LINGO1: variants seen among roughly 807,000 people sequenced by gnomAD.
LINGO1 encodes leucine rich repeat and Ig domain containing 1.
Under a neutral mutation model 37.3 loss-of-function variants are expected in LINGO1, and 11 were observed. The observed-to-expected ratio is 0.29, with a 90% CI of 0.19 to 0.49. The LOEUF (loss-of-function observed/expected upper bound fraction) is 0.49. LINGO1 is among the 20% of genes least tolerant of loss of function. LINGO1 has a pLI of 0.99. For missense variants in LINGO1, 585 were observed against 878.2 expected, an observed-to-expected ratio of 0.67 and a Z score of 4.22; for synonymous variants, 387 against 403.0, an observed-to-expected ratio of 0.96 and a Z score of 0.48.
chr15:77,613,879 G>T lies in LINGO1; in HGVS notation c.*165C>A. Reference sequence around the variant, plus strand: ...TGAGGTCCTGGTAGAAGGAGGGCAGGTGGTGAGGGCTGGCGGGGGGCAGCA... The same window carrying T: ...TGAGGTCCTGGTAGAAGGAGGGCAGTTGGTGAGGGCTGGCGGGGGGCAGCA... On this transcript the variant is annotated 3_prime_UTR_variant, in exon 2 of 2. Coordinates refer to ENST00000355300, the MANE Select transcript of LINGO1 (RefSeq NM_032808.7). 1.6e-6 allele frequency: 1 copy of T among 643,508 alleles called. No individual in the cohort carries two copies. Among genetic ancestry groups the T allele is most frequent in the Non-Finnish European group, 2.7e-6 (1 of 377,326 alleles). The allele number at this position is 643,508 out of a possible 1,614,324, so 39.9% of individuals were successfully genotyped here.
At chr15:77,785,438 C>T (rs1408574717) in intron 1 of LINGO1, among the ~76,000 whole-genome samples, 4 of 152,180 alleles carry the variant, frequency 2.6e-5, no homozygotes, top group African/African-American at 9.7e-5. Flanking sequence ...GTCCTGTCCA[C>T]AGACCCTATG....
At chr15:77,758,887 G>T (rs1053646243) in intron 1 of LINGO1, among the ~76,000 whole-genome samples, 1 of 151,916 alleles carries the variant, frequency 6.6e-6, no homozygotes, top group African/African-American at 2.4e-5. Flanking sequence ...AAATAGTTGG[G>T]TGAGGTCCTG....
chr15:77,736,794 G>A (rs1397362440), intron 1 of LINGO1, among the ~76,000 whole-genome samples: 1 of 151,998 alleles, frequency 6.6e-6, no homozygotes, highest in Non-Finnish European at 1.5e-5. Flanking sequence ...AAACCAAAAA[G>A]AAAGAAAAGA....
At chr15:77,648,431 TC>T in intron 3 of LINGO1, 1 of 153,488 alleles carries the variant, frequency 6.5e-6, no homozygotes. Flanking sequence ...CTGCATGCCT[TC>T]CCCACTCCCC....
At chr15:77,804,930 T>C (rs1245683099) in intron 1 of LINGO1, among the ~76,000 whole-genome samples, 1 of 151,990 alleles carries the variant, frequency 6.6e-6, no homozygotes, top group African/African-American at 2.4e-5. Context: ...TGGATGGGAG[T>C]GCTGAGAAGG....
chr15:77,807,821 G>A (rs1390060443), intron 1 of LINGO1, among the ~76,000 whole-genome samples: 2 of 152,074 alleles, frequency 1.3e-5, no homozygotes, highest in East Asian at 1.9e-4. Flanking sequence ...GCGAGCGCCC[G>A]GCACGGAATT....
chr15:77,686,309 C>G (rs1326828482), intron 2 of LINGO1, among the ~76,000 whole-genome samples: 1 of 152,162 alleles, frequency 6.6e-6, no homozygotes, highest in Non-Finnish European at 1.5e-5. Context: ...ACTCCCCTGA[C>G]TGGCTCCCCT....
intron 1 of LINGO1, among the ~76,000 whole-genome samples, chr15:77,805,711 G>C (rs1449996407): frequency 6.6e-6 from 1 of 152,176 alleles, no homozygotes; most frequent in Non-Finnish European, 1.5e-5. Flanking sequence ...CACCCAGCCA[G>C]CTCCATGCAT....
chr15:77,653,206 T>C (rs11634778), intron 3 of LINGO1, among the ~76,000 whole-genome samples: 30,823 of 152,164 alleles, frequency 0.2, 4,746 homozygotes, highest in African/African-American at 0.43. Flanking sequence ...CCAGGGGTCT[T>C]GAGGCTCCAT....
chr15:77,819,633 C>T (rs1172116111), intron 1 of LINGO1: 1 of 151,628 alleles, frequency 6.6e-6, no homozygotes, highest in African/African-American at 2.4e-5. Flanking sequence ...ACTCGCCCTC[C>T]TGGAGCGCTC....
intron 3 of LINGO1, chr15:77,646,242 GTGTC>G: frequency 3.6e-6 from 1 of 280,368 alleles, no homozygotes; most frequent in South Asian, 3.3e-5. Flanking sequence ...TCAAGGAAAT[GTGTC>G]TGGTCCAGGC....
intron 3 of LINGO1, among the ~76,000 whole-genome samples, chr15:77,653,498 C>T (rs145884603): frequency 3.0e-4 from 45 of 152,306 alleles, no homozygotes; most frequent in African/African-American, 1.0e-3. Flanking sequence ...ATTAACTGTT[C>T]GATTGCAGGA....
chr15:77,621,768 G>A (rs763428110), intron 1 of LINGO1, among the ~76,000 whole-genome samples: 2 of 152,254 alleles, frequency 1.3e-5, no homozygotes, highest in Non-Finnish European at 2.9e-5. Context: ...TCCTGTGCCT[G>A]CGGCTGCTGC....
chr15:77,645,560 C>T (rs931881184), intron 3 of LINGO1, among the ~76,000 whole-genome samples: 1 of 152,230 alleles, frequency 6.6e-6, no homozygotes, highest in African/African-American at 2.4e-5. Flanking sequence ...TGGAAAACAT[C>T]GTGAACAAAT....
chr15:77,685,783 T>G (rs2075499146), intron 2 of LINGO1, among the ~76,000 whole-genome samples: 1 of 151,884 alleles, frequency 6.6e-6, no homozygotes, highest in African/African-American at 2.4e-5. Flanking sequence ...CCCAGGAGGT[T>G]GAGGCTTCCA....
intron 2 of LINGO1, among the ~76,000 whole-genome samples, chr15:77,716,321 C>G (rs1186085234): frequency 7.1e-6 from 1 of 140,170 alleles, no homozygotes; most frequent in Non-Finnish European, 1.5e-5. Flanking sequence ...CACTCTGTCA[C>G]CCAGGCTGGA....
At chr15:77,676,590 G>A (rs1452584389) in intron 3 of LINGO1, among the ~76,000 whole-genome samples, 2 of 152,124 alleles carry the variant, frequency 1.3e-5, no homozygotes, top group East Asian at 1.9e-4. Flanking sequence ...GGCTCGCTCC[G>A]GGTGCTGACG....
At position 77,614,934 on chromosome 15, in the gene LINGO1, C is replaced by G; in HGVS notation, c.973G>C (p.Val325Leu). Residue 325 changes from valine (V) to leucine (L), a missense_variant, in exon 2 of 2, where the codon GTG becomes CTG. Physicochemically the swap from Val to Leu is conservative, Grantham distance 32. Around this residue, in one of 4 missense-constraint regions of LINGO1, gnomAD observed 484 missense variants for 735.0 expected, o/e 0.66. Transcript: ENST00000355300. Reference protein sequence around the residue: ...EIQLVGGQLAVVEPYAFRGLN... With the variant: ...EIQLVGGQLALVEPYAFRGLN... ...CCGCGGAAGGCATAGGGCTCCACCACGGCCAGCTGCCCGCCCACCAGCTGG... is the reference window on the plus strand; with the variant it reads ...CCGCGGAAGGCATAGGGCTCCACCAGGGCCAGCTGCCCGCCCACCAGCTGG... The G allele has an allele frequency of 1.2e-6, 2 of 1,613,896 alleles. No homozygotes were observed. The highest frequency in any genetic ancestry group is 1.1e-5 in the South Asian group (1 of 91,076).
At chr15:77,731,368 C>T (rs931143044) in intron 2 of LINGO1, among the ~76,000 whole-genome samples, 3 of 152,154 alleles carry the variant, frequency 2.0e-5, no homozygotes, top group Admixed American at 6.5e-5. Context: ...TCCAGACCCA[C>T]GCGTGTCCCC....
Sources: gnomAD v4.1 joint callset for allele counts (sites outside exome capture counted in the v4.1 genomes callset) on GRCh38, gnomAD v4.1.1 for gene constraint, gnomAD v4.1.1 regional missense constraint, MANE v1.5 for transcripts, NCBI Gene and HGNC (gene_info 2026-07-23, HGNC 2026-07-21) for gene names.